UNC5D: variants seen among roughly 807,000 people sequenced by gnomAD.
UNC5D encodes the protein netrin receptor UNC5D.
UNC5D carries 39 observed loss-of-function variants against 105.4 expected under a neutral mutation model. The ratio of observed to expected loss-of-function variants is 0.37; its 90% confidence interval spans 0.29 to 0.48. The LOEUF is 0.48. Ranked by LOEUF, UNC5D falls within the 20% of genes least tolerant of loss-of-function variation. The probability of loss-of-function intolerance (pLI) is 0.98; values close to 1 mark genes in which losing one functional copy is unlikely to be tolerated. For synonymous variants in UNC5D, 452 were observed against 450.4 expected, an observed-to-expected ratio of 1.00 and a Z score of -0.04; for missense variants, 991 against 1,202.4, an observed-to-expected ratio of 0.82 and a Z score of 2.60.
intron 4 of UNC5D, among the ~76,000 whole-genome samples, chr8:35,659,864 G>A (rs192246522): frequency 4.8e-4 from 73 of 152,264 alleles, no homozygotes; most frequent in Non-Finnish European, 7.8e-4. Flanking sequence ...CAAGCTATAA[G>A]GAACCCCCCT....
At chr8:35,541,212 G>A (rs921479732) in intron 1 of UNC5D, among the ~76,000 whole-genome samples, 1 of 152,168 alleles carries the variant, frequency 6.6e-6, no homozygotes, top group Non-Finnish European at 1.5e-5. Flanking sequence ...GGAAAGTGAC[G>A]TTTAGAAAAC....
intron 1 of UNC5D, among the ~76,000 whole-genome samples, chr8:35,244,396 G>A (rs1334626433): frequency 1.3e-5 from 2 of 152,144 alleles, no homozygotes; most frequent in Non-Finnish European, 2.9e-5. Context: ...GGATGTATAA[G>A]CATCGGAGAC....
intron 1 of UNC5D, among the ~76,000 whole-genome samples, chr8:35,258,105 C>T (rs1215899463): frequency 6.6e-6 from 1 of 152,252 alleles, no homozygotes; most frequent in South Asian, 2.1e-4. Flanking sequence ...GATTTGATGT[C>T]TAGGAGGGCT....
rs745865767 is a variant in UNC5D, at chr8:35,654,076, T to A, written c.571-29471T>A. Among the ~76,000 whole-genome samples, 67 of 152,326 alleles carry A rather than the reference T, an allele frequency of 4.4e-4. 1 individual carries two copies. The highest frequency in any genetic ancestry group is 2.2e-3 in the Admixed American group (34 of 15,298). On this transcript the variant is annotated intron_variant, in intron 4 of 16. Transcript: ENST00000404895. Reference sequence around the variant, plus strand: ...GTTTCTGCCAGGTACTTATGGACACTTCTTATCTGATAACCACTTAAATTT... The same window carrying A: ...GTTTCTGCCAGGTACTTATGGACACATCTTATCTGATAACCACTTAAATTT...
intron 11 of UNC5D, among the ~76,000 whole-genome samples, chr8:35,739,775 T>C (rs1829664435): frequency 6.6e-6 from 1 of 152,188 alleles, no homozygotes; most frequent in Non-Finnish European, 1.5e-5. Context: ...TATTAAGATA[T>C]TTAATATATA....
intron 1 of UNC5D, among the ~76,000 whole-genome samples, chr8:35,302,804 AAC>A (rs544392270): frequency 1.2e-4 from 18 of 152,300 alleles, no homozygotes; most frequent in African/African-American, 3.4e-4. Flanking sequence ...TGTTAGATAA[AAC>A]AGTCTTAATA....
intron 1 of UNC5D, among the ~76,000 whole-genome samples, chr8:35,478,242 T>C (rs1196486979): frequency 6.6e-6 from 1 of 152,126 alleles, no homozygotes; most frequent in African/African-American, 2.4e-5. Flanking sequence ...GAAAAAATAA[T>C]ATGTGAGCCC....
At chr8:35,739,777 T>G (rs759656790) in intron 11 of UNC5D, among the ~76,000 whole-genome samples, 2 of 152,202 alleles carry the variant, frequency 1.3e-5, no homozygotes, top group African/African-American at 4.8e-5. Flanking sequence ...TTAAGATATT[T>G]AATATATATC....
chr8:35,610,513 C>T lies in UNC5D; in HGVS notation c.570+14856C>T, dbSNP rs79329991. Among the ~76,000 whole-genome samples, 607 of 152,160 alleles carry T rather than the reference C, an allele frequency of 4.0e-3. 3 individuals are homozygous for T. The highest frequency in any genetic ancestry group is 5.9e-3 in the Non-Finnish European group (400 of 68,000). On this transcript the variant is annotated intron_variant, in intron 4 of 16. Transcript: ENST00000404895. Reference sequence around the variant, plus strand: ...ACTGAGACTGTGGAATTTTTGGAGGCCGAGGGGGACAAGGAGCCTGGGACA... The same window carrying T: ...ACTGAGACTGTGGAATTTTTGGAGGTCGAGGGGGACAAGGAGCCTGGGACA...
chr8:35,680,956 A>G (rs1057272389), intron 4 of UNC5D, among the ~76,000 whole-genome samples: 1 of 152,216 alleles, frequency 6.6e-6, no homozygotes, highest in Admixed American at 6.5e-5. Context: ...TTACCCCTGA[A>G]TTTCTGACCT....
intron 1 of UNC5D, among the ~76,000 whole-genome samples, chr8:35,519,911 A>T (rs1813346976): frequency 6.6e-6 from 1 of 152,126 alleles, no homozygotes; most frequent in African/African-American, 2.4e-5. Context: ...AAGACAGATG[A>T]TAATAAGTGT....
chr8:35,305,210 A>G (rs1226311207), intron 1 of UNC5D, among the ~76,000 whole-genome samples: 2 of 152,284 alleles, frequency 1.3e-5, no homozygotes, highest in East Asian at 3.9e-4. Flanking sequence ...GGATGGATAG[A>G]CGTAAGTGAC....
chr8:35,325,036 A>C (rs931532389), intron 1 of UNC5D, among the ~76,000 whole-genome samples: 9 of 152,204 alleles, frequency 5.9e-5, no homozygotes, highest in Non-Finnish European at 1.5e-5. Flanking sequence ...AAAGACTGAA[A>C]GTCCCAAATA....
intron 3 of UNC5D, among the ~76,000 whole-genome samples, chr8:35,592,744 C>T (rs1348658411): frequency 6.6e-6 from 1 of 152,134 alleles, no homozygotes. Flanking sequence ...ATCATTACAG[C>T]TCCCTAACAG....
chr8:35,698,928 G>A (rs1826984729), intron 7 of UNC5D, among the ~76,000 whole-genome samples: 1 of 152,104 alleles, frequency 6.6e-6, no homozygotes, highest in African/African-American at 2.4e-5. Flanking sequence ...CTGGAAGGTA[G>A]GGGATCAAAG....
At chr8:35,455,559 A>G (rs10113118) in intron 1 of UNC5D, among the ~76,000 whole-genome samples, 20,810 of 152,076 alleles carry the variant, frequency 0.14, 2,019 homozygotes, top group African/African-American at 0.27. Flanking sequence ...GATTACAGGC[A>G]TGAACCACCA....
At chr8:35,491,571 C>T (rs754809290) in intron 1 of UNC5D, among the ~76,000 whole-genome samples, 11 of 152,072 alleles carry the variant, frequency 7.2e-5, no homozygotes, top group Non-Finnish European at 1.2e-4. Context: ...TTGGTAGTAA[C>T]GTAACATACT....
chr8:35,416,707 G>GA (rs948494416), intron 1 of UNC5D, among the ~76,000 whole-genome samples: 18 of 148,226 alleles, frequency 1.2e-4, no homozygotes, highest in Middle Eastern at 3.4e-3. Context: ...AACTGGAAGA[G>GA]AAAAAAAAAA....
At chr8:35,524,651 A>G (rs1306602792) in intron 1 of UNC5D, among the ~76,000 whole-genome samples, 2 of 147,108 alleles carry the variant, frequency 1.4e-5, no homozygotes, top group South Asian at 2.1e-4. Flanking sequence ...AAAAAAAAAA[A>G]AAAAGAAAAA....
Sources: allele counts gnomAD v4.1 joint callset (sites outside exome capture counted in the v4.1 genomes callset), GRCh38; gene constraint gnomAD v4.1.1; transcripts MANE v1.5; gene names NCBI Gene and HGNC (gene_info 2026-07-23, HGNC 2026-07-21).